Variants in DOCK3 observed in about 807,000 individuals in gnomAD.
The protein encoded by DOCK3 is dedicator of cytokinesis protein 3.
A neutral mutation model predicts 265.6 loss-of-function variants in DOCK3; 60 were observed. That is an observed-to-expected ratio of 0.23 (90% CI 0.18 to 0.28). The LOEUF (loss-of-function observed/expected upper bound fraction) is 0.28. Among genes scored for constraint, DOCK3 ranks in the 10% least tolerant of loss-of-function variants. The probability of loss-of-function intolerance (pLI) is 1.00; values close to 1 mark genes in which losing one functional copy is unlikely to be tolerated. For synonymous variants in DOCK3, 881 were observed against 938.0 expected (o/e 0.94, Z 1.11); for missense variants, 1,981 against 2,594.3 (o/e 0.76, Z 5.14).
At chr3:50,785,034 G>GT (rs1480689495) in intron 2 of DOCK3, among the ~76,000 whole-genome samples, 6 of 152,154 alleles carry the variant, frequency 3.9e-5, no homozygotes, top group Non-Finnish European at 8.8e-5. Flanking sequence ...GTGCACGCCT[G>GT]TAATCCCAGC....
intron 12 of DOCK3, among the ~76,000 whole-genome samples, 177 bp from the exon 13 acceptor site, chr3:51,208,597 A>C (rs1289478670): frequency 6.6e-6 from 1 of 152,188 alleles, no homozygotes; most frequent in Non-Finnish European, 1.5e-5. Flanking sequence ...TCCTTTGCCC[A>C]AGTATGTGTT....
intron 9 of DOCK3, among the ~76,000 whole-genome samples, chr3:51,124,306 A>G (rs1297762535): frequency 6.6e-6 from 1 of 152,220 alleles, no homozygotes; most frequent in South Asian, 2.1e-4. Flanking sequence ...AGGCTGTCCA[A>G]TACAACTGAA....
At chr3:50,772,241 C>T (rs941466034) in intron 1 of DOCK3, among the ~76,000 whole-genome samples, 5 of 152,058 alleles carry the variant, frequency 3.3e-5, no homozygotes, top group Admixed American at 6.6e-5. Flanking sequence ...ATCTAAACAT[C>T]GAAACAACTG....
intron 9 of DOCK3, among the ~76,000 whole-genome samples, chr3:51,128,376 T>C (rs1440686540): frequency 6.6e-6 from 1 of 152,224 alleles, no homozygotes; most frequent in Non-Finnish European, 1.5e-5. Context: ...TAGTTGGCAT[T>C]GTAATTGTGA....
intron 1 of DOCK3, among the ~76,000 whole-genome samples, chr3:50,678,692 A>T (rs964546437): frequency 6.6e-5 from 10 of 151,984 alleles, no homozygotes; most frequent in African/African-American, 2.4e-4. Flanking sequence ...TCCAGGCTGG[A>T]GTGCAGCGGC....
chr3:50,932,582 G>T (rs1165647868), intron 4 of DOCK3, among the ~76,000 whole-genome samples: 1 of 152,082 alleles, frequency 6.6e-6, no homozygotes, highest in South Asian at 2.1e-4. Flanking sequence ...CTTGTGTTAA[G>T]ATCTGGAATT....
chr3:50,723,894 A>G (rs1380355024), intron 1 of DOCK3, among the ~76,000 whole-genome samples: 2 of 152,240 alleles, frequency 1.3e-5, no homozygotes, highest in African/African-American at 2.4e-5. Context: ...AGAAACTATC[A>G]TCAGAGTTAA....
intron 21 of DOCK3, among the ~76,000 whole-genome samples, chr3:51,242,496 G>A (rs1193123750): frequency 6.6e-6 from 1 of 152,150 alleles, no homozygotes; most frequent in East Asian, 1.9e-4. Flanking sequence ...CTCCCTGCAG[G>A]CATTGACCAA....
At chr3:50,694,387 A>T (rs774946187) in intron 1 of DOCK3, among the ~76,000 whole-genome samples, 9 of 152,242 alleles carry the variant, frequency 5.9e-5, no homozygotes, top group Non-Finnish European at 1.2e-4. Context: ...TTTACAAAAG[A>T]GTTTCAGGAT....
At chr3:50,808,280 C>T (rs2043547585) in intron 2 of DOCK3, among the ~76,000 whole-genome samples, 1 of 152,170 alleles carries the variant, frequency 6.6e-6, no homozygotes, top group Non-Finnish European at 1.5e-5. Flanking sequence ...TGCCAGTTCT[C>T]TCCAAGTTAA....
chr3:50,830,468 A>G (rs567996468), intron 2 of DOCK3, among the ~76,000 whole-genome samples: 24 of 152,308 alleles, frequency 1.6e-4, no homozygotes, highest in African/African-American at 5.1e-4. Context: ...GGTGAGGAAT[A>G]TATGTTACAC....
chr3:51,277,445 A>G (rs2080875456), intron 25 of DOCK3, among the ~76,000 whole-genome samples, 163 bp from the exon 26 acceptor site: 1 of 152,168 alleles, frequency 6.6e-6, no homozygotes, highest in African/African-American at 2.4e-5. Flanking sequence ...CTCCTGTCAA[A>G]GCCATTGTCC....
At chr3:50,920,433 A>G (rs1277165540) in intron 4 of DOCK3, among the ~76,000 whole-genome samples, 1 of 152,092 alleles carries the variant, frequency 6.6e-6, no homozygotes, top group Admixed American at 6.6e-5. Context: ...AGAGCCTATT[A>G]TTGGTCTATT....
intron 5 of DOCK3, among the ~76,000 whole-genome samples, chr3:50,996,549 T>C (rs1052178051): frequency 2.6e-5 from 4 of 152,124 alleles, no homozygotes; most frequent in African/African-American, 7.2e-5. Context: ...ATTTTCCTTC[T>C]TCTCTACGTA....
At chr3:50,886,204 A>G (rs1174644322) in intron 3 of DOCK3, among the ~76,000 whole-genome samples, 1 of 147,988 alleles carries the variant, frequency 6.8e-6, no homozygotes, top group African/African-American at 2.4e-5. Flanking sequence ...ATATATATAT[A>G]TATATTCCAG....
At chr3:50,860,523 G>A (rs576354717) in intron 3 of DOCK3, among the ~76,000 whole-genome samples, 2 of 152,202 alleles carry the variant, frequency 1.3e-5, no homozygotes, top group Non-Finnish European at 2.9e-5. Context: ...CTGGCCCAAA[G>A]CCACTTGTAG....
intron 32 of DOCK3, among the ~76,000 whole-genome samples, chr3:51,327,452 T>A (rs2084201070): frequency 6.6e-6 from 1 of 152,228 alleles, no homozygotes; most frequent in East Asian, 1.9e-4. Context: ...GGAATATTGT[T>A]TCTATGGAAT....
At chr3:50,911,694 A>G (rs1179128468) in intron 4 of DOCK3, among the ~76,000 whole-genome samples, 2 of 150,892 alleles carry the variant, frequency 1.3e-5, no homozygotes, top group Non-Finnish European at 2.9e-5. Context: ...GAAGAACATA[A>G]TTGTTTTTTG....
At chr3:51,255,367 G>A (rs1002178944) in intron 22 of DOCK3, among the ~76,000 whole-genome samples, 2 of 152,132 alleles carry the variant, frequency 1.3e-5, no homozygotes, top group African/African-American at 2.4e-5. Flanking sequence ...TACTCGAGGA[G>A]TATCTTTATG....
Sources: gnomAD v4.1 joint callset for allele counts (sites outside exome capture counted in the v4.1 genomes callset) on GRCh38, gnomAD v4.1.1 for gene constraint, MANE v1.5 for transcripts, NCBI Gene and HGNC (gene_info 2026-07-23, HGNC 2026-07-21) for gene names.